Variants in GNB4 observed in about 807,000 individuals in gnomAD.
The protein encoded by GNB4 is G protein subunit beta 4, also known as guanine nucleotide-binding protein subunit beta-4.
GNB4 carries 28 observed loss-of-function variants against 45.2 expected under a neutral mutation model. That is an observed-to-expected ratio of 0.62 (90% confidence interval 0.46 to 0.85). The LOEUF (loss-of-function observed/expected upper bound fraction) is 0.85. Ranked by LOEUF, GNB4 falls within the 40% of genes least tolerant of loss-of-function variation. The pLI is 0.00. For missense variants in GNB4, 321 were observed against 425.4 expected (o/e 0.75, Z 2.16); for synonymous variants, 132 against 143.7 (o/e 0.92, Z 0.58).
At chr3:179,403,029 G>T (rs538671284) in intron 9 of GNB4, among the ~76,000 whole-genome samples, 1 of 152,284 alleles carries the variant, frequency 6.6e-6, no homozygotes, top group East Asian at 1.9e-4. Flanking sequence ...TGGTCCCTCA[G>T]GTTTTCTCTT....
At chr3:179,472,915 G>T in the GNB4 span, among the ~76,000 whole-genome samples, 1 of 152,206 alleles carries the variant, frequency 6.6e-6, no homozygotes, top group Non-Finnish European at 1.5e-5. Flanking sequence ...TGTAATCCCA[G>T]CACTTTGGGA....
chr3:179,527,209 T>C, the GNB4 span, among the ~76,000 whole-genome samples: 4 of 152,088 alleles, frequency 2.6e-5, no homozygotes, highest in African/African-American at 9.7e-5. Flanking sequence ...GATTCTTAGT[T>C]GTTCTCAGCC....
intron 8 of GNB4, among the ~76,000 whole-genome samples, chr3:179,410,053 C>T (rs1172997566): frequency 3.3e-5 from 5 of 152,112 alleles, no homozygotes; most frequent in Non-Finnish European, 1.5e-5. Context: ...CTTCCCCCTT[C>T]GCTCGGCACT....
chr3:179,473,909 G>A, the GNB4 span, among the ~76,000 whole-genome samples: 1 of 152,076 alleles, frequency 6.6e-6, no homozygotes, highest in Admixed American at 6.5e-5. Flanking sequence ...TGGCTTGGAG[G>A]GTATAAAGGA....
intron 9 of GNB4, among the ~76,000 whole-genome samples, chr3:179,401,757 G>C (rs780153118): frequency 7.9e-5 from 12 of 152,136 alleles, no homozygotes; most frequent in Admixed American, 5.9e-4. Context: ...CGACAAAAAC[G>C]TAAGAACAAA....
At chr3:179,465,191 G>A in the GNB4 span, 2 of 1,315,778 alleles carry the variant, frequency 1.5e-6, no homozygotes, top group Non-Finnish European at 1.1e-6. Context: ...TCATGATCCT[G>A]TAACTGCCAA....
intron 8 of GNB4, among the ~76,000 whole-genome samples, chr3:179,406,482 A>G (rs924633743): frequency 1.3e-5 from 2 of 152,172 alleles, no homozygotes; most frequent in Non-Finnish European, 2.9e-5. Flanking sequence ...AGCAGTGTCT[A>G]TTGTGAAAAA....
the GNB4 span, among the ~76,000 whole-genome samples, chr3:179,525,708 ATG>A: frequency 6.6e-6 from 1 of 152,234 alleles, no homozygotes; most frequent in Non-Finnish European, 1.5e-5. Context: ...CACGGATAAA[ATG>A]TGTCTCCTTT....
At chr3:179,430,861 G>A (rs1272379535) in intron 1 of GNB4, among the ~76,000 whole-genome samples, 3 of 151,966 alleles carry the variant, frequency 2.0e-5, no homozygotes, top group Non-Finnish European at 2.9e-5. Flanking sequence ...TTTATAAAAT[G>A]TTCTAACACA....
the GNB4 span, among the ~76,000 whole-genome samples, chr3:179,506,784 T>G: frequency 5.0e-4 from 76 of 152,262 alleles, no homozygotes; most frequent in East Asian, 3.9e-4. Flanking sequence ...TGTTATTCTC[T>G]CTCTCATTTT....
chr3:179,476,176 A>G, the GNB4 span, among the ~76,000 whole-genome samples: 3 of 152,236 alleles, frequency 2.0e-5, no homozygotes, highest in African/African-American at 4.8e-5. Flanking sequence ...CAATGTTGGG[A>G]CAGGCATAGA....
intron 1 of GNB4, among the ~76,000 whole-genome samples, chr3:179,441,870 C>T (rs531698379): frequency 1.3e-5 from 2 of 152,076 alleles, no homozygotes; most frequent in South Asian, 2.1e-4. Flanking sequence ...CAGTGGCACA[C>T]GATCTCGGCT....
At chr3:179,419,378 C>T in intron 4 of GNB4, 21 bp downstream of exon 4, 1 of 1,295,896 alleles carries the variant, frequency 7.7e-7, no homozygotes, top group East Asian at 2.3e-5. Flanking sequence ...TTAAAAATGA[C>T]AGGTAATGAC....
intron 8 of GNB4, among the ~76,000 whole-genome samples, chr3:179,409,833 C>CAAAA (rs1238640935): frequency 1.7e-5 from 1 of 60,492 alleles, no homozygotes; most frequent in African/African-American, 4.4e-5. Flanking sequence ...AAAAACAAAA[C>CAAAA]AAAAAAAAAA....
chr3:179,420,726 C>T (rs1329662012), intron 3 of GNB4, among the ~76,000 whole-genome samples, 163 bp downstream of exon 3: 2 of 152,016 alleles, frequency 1.3e-5, no homozygotes, highest in Admixed American at 6.6e-5. Context: ...TTAAAAAGCA[C>T]TCGCACTGTA....
At chr3:179,482,659 C>T in the GNB4 span, among the ~76,000 whole-genome samples, 8 of 152,312 alleles carry the variant, frequency 5.3e-5, no homozygotes, top group Non-Finnish European at 1.0e-4. Flanking sequence ...GCCACCTCTA[C>T]TGCCTGTCAT....
At chr3:179,415,976 T>C (rs1429796334) in intron 5 of GNB4, among the ~76,000 whole-genome samples, 1 of 146,104 alleles carries the variant, frequency 6.8e-6, no homozygotes, top group Non-Finnish European at 1.5e-5. Context: ...TTTTCACCAC[T>C]CAACTATTTT....
intron 1 of GNB4, among the ~76,000 whole-genome samples, chr3:179,446,650 C>T (rs2108622370): frequency 6.6e-6 from 1 of 152,182 alleles, no homozygotes; most frequent in Middle Eastern, 3.4e-3. Flanking sequence ...TCTTCTTGAC[C>T]TATTCTACTC....
intron 1 of GNB4, among the ~76,000 whole-genome samples, chr3:179,450,766 T>C (rs1715848315): frequency 6.6e-6 from 1 of 152,186 alleles, no homozygotes; most frequent in African/African-American, 2.4e-5. Flanking sequence ...CAAAACACTT[T>C]TTATTGTACT....
Sources: allele counts gnomAD v4.1 joint callset (sites outside exome capture counted in the v4.1 genomes callset), GRCh38; gene constraint gnomAD v4.1.1; transcripts MANE v1.5; gene names NCBI Gene and HGNC (gene_info 2026-07-23, HGNC 2026-07-21).